Variants in LIMCH1 observed in about 807,000 individuals in gnomAD.
LIMCH1 encodes the protein LIM and calponin homology domains 1.
A neutral mutation model predicts 176.5 loss-of-function variants in LIMCH1; 113 were observed. That is an observed-to-expected ratio of 0.64 (90% CI 0.55 to 0.75). The LOEUF (loss-of-function observed/expected upper bound fraction) is 0.75. LIMCH1 is among the 30% of genes least tolerant of loss of function. LIMCH1 has a pLI of 0.00. For missense variants in LIMCH1, 1,674 were observed against 1,814.9 expected (o/e 0.92, Z 1.41); for synonymous variants, 619 against 645.9 (o/e 0.96, Z 0.63).
chr4:41,669,770 A>G (rs1340478805), intron 21 of LIMCH1, among the ~76,000 whole-genome samples: 1 of 152,206 alleles, frequency 6.6e-6, no homozygotes, highest in African/African-American at 2.4e-5. Context: ...GGATGGGGAA[A>G]TGGGGGAGGC....
At chr4:41,498,436 G>A (rs995395876) in intron 2 of LIMCH1, among the ~76,000 whole-genome samples, 2 of 152,212 alleles carry the variant, frequency 1.3e-5, no homozygotes, top group Non-Finnish European at 2.9e-5. Context: ...TGGAATGGCA[G>A]TAGATGTGTT....
At chr4:41,675,020 G>A (rs1243219240) in intron 22 of LIMCH1, among the ~76,000 whole-genome samples, 1 of 152,188 alleles carries the variant, frequency 6.6e-6, no homozygotes, top group African/African-American at 2.4e-5. Context: ...GAAGCAATAA[G>A]CTAGTATCCC....
chr4:41,510,778 G>A (rs1346865491), intron 2 of LIMCH1, among the ~76,000 whole-genome samples: 1 of 152,054 alleles, frequency 6.6e-6, no homozygotes, highest in African/African-American at 2.4e-5. Flanking sequence ...TAGTAGAGAC[G>A]GAGTTTCGCC....
intron 1 of LIMCH1, among the ~76,000 whole-genome samples, chr4:41,546,714 T>A (rs1282832501): frequency 6.6e-6 from 1 of 152,144 alleles, no homozygotes; most frequent in Non-Finnish European, 1.5e-5. Context: ...ACTAAAATAG[T>A]AATGAGCTTT....
chr4:41,678,879 G>A (rs1359198228), intron 23 of LIMCH1, among the ~76,000 whole-genome samples: 1 of 152,156 alleles, frequency 6.6e-6, no homozygotes, highest in African/African-American at 2.4e-5. Context: ...CTTTTATGTA[G>A]TTTTAAGGTC....
intron 1 of LIMCH1, among the ~76,000 whole-genome samples, chr4:41,470,194 A>C (rs1380393957): frequency 6.6e-6 from 1 of 152,172 alleles, no homozygotes; most frequent in Non-Finnish European, 1.5e-5. Context: ...CTCCAACACC[A>C]TTCTTCTTTT....
chr4:41,591,658 T>C (rs2087592332), intron 1 of LIMCH1, among the ~76,000 whole-genome samples: 1 of 148,084 alleles, frequency 6.8e-6, no homozygotes, highest in Non-Finnish European at 1.5e-5. Flanking sequence ...TTTTCATTTG[T>C]GGAAACTGAG....
intron 1 of LIMCH1, among the ~76,000 whole-genome samples, chr4:41,403,218 A>G (rs1288429140): frequency 6.6e-6 from 1 of 151,828 alleles, no homozygotes; most frequent in African/African-American, 2.4e-5. Flanking sequence ...GTGGTGGGGG[A>G]AGATGGAATT....
rs2090467692 is a variant in LIMCH1 at position 41,604,794 on chromosome 4, T to C, written c.-103+889T>C. Among the ~76,000 whole-genome samples the C allele has an allele frequency of 2.0e-5, 3 of 152,186 alleles. No individual in the cohort carries two copies. In the South Asian group the frequency reaches 6.2e-4, roughly 31 times the overall value. On this transcript the variant is annotated intron_variant, in intron 3 of 31. Transcript: ENST00000503057. The stretch of plus-strand genomic sequence containing the variant: ...AAGCAATCAGTTCAAAAGGATGTTC[T>C]GGAAGTTTCGAGGGATTCATGAAGT...
At chr4:41,567,608 C>T (rs1000796434) in intron 1 of LIMCH1, among the ~76,000 whole-genome samples, 10 of 152,208 alleles carry the variant, frequency 6.6e-5, no homozygotes, top group Non-Finnish European at 1.2e-4. Context: ...CCTAGGAAAA[C>T]CTGGTAGGTA....
At chr4:41,381,536 CG>C (rs2055671052) in intron 1 of LIMCH1, among the ~76,000 whole-genome samples, 1 of 152,080 alleles carries the variant, frequency 6.6e-6, no homozygotes. Flanking sequence ...AAGTGACTGC[CG>C]TTCTTCTCCC....
Position 41,644,544 on chromosome 4 carries a change from T to C in LIMCH1, c.2171T>C (p.Val724Ala). 1.2e-6 allele frequency: 2 copies of C among 1,601,496 alleles called. No individual in the cohort carries two copies. The highest frequency in any genetic ancestry group is 1.7e-6 in the Non-Finnish European group (2 of 1,174,212). Residue 724 changes from valine (V) to alanine (A), a missense_variant, in exon 15 of 32, where the codon GTG becomes GCG. Around this residue, in one of 3 missense-constraint regions of LIMCH1, gnomAD observed 1,015 missense variants for 1,102.5 expected, o/e 0.92. Transcript: ENST00000503057. ...FDMRCEEEAA[V>A]QPHSRARQEQ... Reference sequence around the variant, plus strand: ...ATGCGGTGTGAGGAGGAGGCCGCGGTGCAGCCGCACAGCAGGGCCCGCCAG... The same window carrying C: ...ATGCGGTGTGAGGAGGAGGCCGCGGCGCAGCCGCACAGCAGGGCCCGCCAG...
At chr4:41,393,030 A>G (rs1037893028) in intron 1 of LIMCH1, among the ~76,000 whole-genome samples, 1 of 152,180 alleles carries the variant, frequency 6.6e-6, no homozygotes, top group South Asian at 2.1e-4. Context: ...ACTCTGTCTC[A>G]AAAAAGAAAA....
At chr4:41,490,785 C>T (rs750443457) in intron 1 of LIMCH1, among the ~76,000 whole-genome samples, 23 of 152,206 alleles carry the variant, frequency 1.5e-4, no homozygotes, top group African/African-American at 3.1e-4. Context: ...TCTCGATGAT[C>T]GCTGTCTCTT....
At position 41,650,517 on chromosome 4, in the gene LIMCH1, G is replaced by A. The variant is rs753556418; in HGVS notation, c.2945G>A (p.Arg982Lys). ...TCCCAGATGTTTGAAGGTGTGGCCAGAGTGCACGGGTCTCCACTGGAGCTG... is the reference window on the plus strand; with the variant it reads ...TCCCAGATGTTTGAAGGTGTGGCCAAAGTGCACGGGTCTCCACTGGAGCTG... ...TKSQMFEGVARVHGSPLELKQ... is the reference protein window; with the variant it reads ...TKSQMFEGVAKVHGSPLELKQ... The change falls in exon 18 of 32, where the codon AGA becomes AAA. Residue 982 changes from arginine (R) to lysine (K), a missense_variant. Around this residue, in one of 3 missense-constraint regions of LIMCH1, gnomAD observed 1,015 missense variants for 1,102.5 expected, o/e 0.92. Coordinates refer to ENST00000503057, the MANE Select transcript of LIMCH1 (RefSeq NM_001330672.2). 1.2e-6 allele frequency: 2 copies of A among 1,614,028 alleles called. No homozygotes were observed. Among genetic ancestry groups the A allele is most frequent in the Admixed American group, 3.3e-5 (2 of 59,996 alleles).
In LIMCH1 at chr4:41,494,431, A is replaced by G. The variant is rs1422979441; in HGVS notation, c.97-105A>G. On this transcript the variant is annotated intron_variant, in intron 1 of 26. Transcript: ENST00000313860. Reference sequence around the variant, plus strand: ...TAAACATACATATATACACATACATAGTTATATATATGTACACACACATAC... The same window carrying G: ...TAAACATACATATATACACATACATGGTTATATATATGTACACACACATAC... 6.0e-5 allele frequency: 43 copies of G among 716,118 alleles called. No individual in the cohort carries two copies. In the East Asian group the frequency reaches 1.0e-3, roughly 17 times the overall value. The allele number at this position is 716,118 out of a possible 1,614,324, so 44.4% of individuals were successfully genotyped here. A position where few individuals can be genotyped will look rare whatever the true frequency, so the allele number is the denominator to read the frequency against.
At chr4:41,390,122 G>A (rs1413003019) in intron 1 of LIMCH1, among the ~76,000 whole-genome samples, 1 of 152,064 alleles carries the variant, frequency 6.6e-6, no homozygotes, top group Non-Finnish European at 1.5e-5. Context: ...AGTTCTAGGT[G>A]TCCCTTCCTG....
At chr4:41,426,822 G>A (rs6842287) in intron 1 of LIMCH1, among the ~76,000 whole-genome samples, 2,021 of 152,334 alleles carry the variant, frequency 0.013, 49 homozygotes, top group African/African-American at 0.047. Context: ...GTTTACAGTT[G>A]ACGTGGGTTT....
intron 1 of LIMCH1, among the ~76,000 whole-genome samples, chr4:41,392,945 A>T (rs1242511810): frequency 6.6e-6 from 1 of 152,012 alleles, no homozygotes; most frequent in Non-Finnish European, 1.5e-5. Context: ...GGCAGGAATC[A>T]CTTGAATCTG....
Sources: gnomAD v4.1 joint callset for allele counts (sites outside exome capture counted in the v4.1 genomes callset) on GRCh38, gnomAD v4.1.1 for gene constraint, gnomAD v4.1.1 regional missense constraint, MANE v1.5 for transcripts, NCBI Gene and HGNC (gene_info 2026-07-23, HGNC 2026-07-21) for gene names.